CHD6: variants seen among roughly 807,000 people sequenced by gnomAD.
The protein encoded by CHD6 is ATP-dependent chromatin remodeler CHD6.
A neutral mutation model predicts 276.9 loss-of-function variants in CHD6; 50 were observed. The observed-to-expected ratio is 0.18, with a 90% CI of 0.14 to 0.23. The LOEUF (loss-of-function observed/expected upper bound fraction) is 0.23, where lower values mean the gene tolerates loss of function less well. CHD6 is among the 10% of genes least tolerant of loss of function. The pLI is 1.00. For synonymous variants in CHD6, 1,173 were observed against 1,229.3 expected (o/e 0.95, Z 0.96); for missense variants, 2,564 against 3,365.8 (o/e 0.76, Z 5.89).
At position 41,421,031 on chromosome 20, in the gene CHD6, T is replaced by TTCC. The variant is rs1440442867; in HGVS notation, c.5601_5603dup (p.Glu1872dup). 1.2e-6 allele frequency: 2 copies of TTCC among 1,613,940 alleles called. No individual in the cohort carries two copies. Among genetic ancestry groups the TTCC allele is most frequent in the East Asian group, 2.2e-5 (1 of 44,896 alleles). On this transcript the variant is annotated inframe_insertion, in exon 31 of 37. Transcript: ENST00000373233. ...TTTCCTCCTCGTTTTCCTCCTCTTC[T>TTCC]TCCTCCTCATCACTGTGGTTCTGAC...
At chr20:41,582,609 C>A (rs2045552652) in intron 1 of CHD6, among the ~76,000 whole-genome samples, 1 of 152,032 alleles carries the variant, frequency 6.6e-6, no homozygotes. Flanking sequence ...TATGAAAAAG[C>A]AAAAGCAGGG....
chr20:41,499,479 C>T (rs1002576095), intron 5 of CHD6, 122 bp from the exon 6 acceptor site: 7 of 737,446 alleles, frequency 9.5e-6, no homozygotes, highest in Non-Finnish European at 1.5e-5. Flanking sequence ...AGTACCAAGG[C>T]CTCCCATCAG....
intron 1 of CHD6, among the ~76,000 whole-genome samples, chr20:41,590,116 G>T (rs1017834305): frequency 6.6e-6 from 1 of 152,136 alleles, no homozygotes; most frequent in Non-Finnish European, 1.5e-5. Context: ...AATGGGGAAA[G>T]GATTCCCTAT....
At chr20:41,561,174 TAA>T (rs2045297670) in intron 1 of CHD6, among the ~76,000 whole-genome samples, 2 of 152,276 alleles carry the variant, frequency 1.3e-5, no homozygotes, top group Admixed American at 1.3e-4. Flanking sequence ...TGTGTTCCAA[TAA>T]AACTTTTTTT....
chr20:41,569,380 C>T (rs531702214), intron 1 of CHD6, among the ~76,000 whole-genome samples: 44 of 152,318 alleles, frequency 2.9e-4, no homozygotes, highest in Admixed American at 1.8e-3. Flanking sequence ...TGGTCACCTA[C>T]TTTAAACTCA....
In CHD6 at chr20:41,514,886, C is replaced by T; in HGVS notation, c.621G>A (p.Val207=). 6.2e-7 allele frequency: 1 copy of T among 1,614,082 alleles called. No homozygotes were observed. Among genetic ancestry groups the T allele is most frequent in the East Asian group, 2.2e-5 (1 of 44,852 alleles). Residue 207 remains valine (V), a synonymous_variant, in exon 4 of 37, where the codon GTG becomes GTA. Coordinates refer to ENST00000373233, the MANE Select transcript of CHD6 (RefSeq NM_032221.5). ...GGCCCTGATCCAGCTCTAAACTCTC[C>T]ACTGTAGTTTCACTTTTCCTTTTTC... ...KKGKRKSETT[V]ESLELDQGLT...
At position 41,440,146 on chromosome 20, in the gene CHD6, A is replaced by G; in HGVS notation, c.3878-17T>C. 3 of 1,609,484 alleles carry G rather than the reference A, an allele frequency of 1.9e-6. No homozygotes were observed. The highest frequency in any genetic ancestry group is 1.7e-6 in the Non-Finnish European group (2 of 1,176,240). On this transcript the variant is annotated splice_polypyrimidine_tract_variant and intron_variant, in intron 25 of 36. Transcript: ENST00000373233. The stretch of plus-strand genomic sequence containing the variant: ...TTTCATAACCTGATCAAGAGTGGTG[A>G]GAAATGCCAGAAGTCATGTTAGAAC...
intron 5 of CHD6, among the ~76,000 whole-genome samples, chr20:41,512,481 C>T (rs557172399): frequency 2.6e-5 from 4 of 151,522 alleles, no homozygotes; most frequent in South Asian, 2.1e-4. Flanking sequence ...AAACCAGTCA[C>T]GTAAAGCATC....
intron 16 of CHD6, chr20:41,482,577 T>G (rs1290934430): frequency 2.0e-6 from 1 of 507,804 alleles, no homozygotes; most frequent in South Asian, 1.5e-5. Flanking sequence ...GCTACCAGTT[T>G]CTATGATCTT....
intron 5 of CHD6, among the ~76,000 whole-genome samples, chr20:41,502,943 T>C (rs2043872432): frequency 6.6e-6 from 1 of 152,046 alleles, no homozygotes; most frequent in Non-Finnish European, 1.5e-5. Context: ...GAGGTGGAGG[T>C]TGCAGTGAGC....
At chr20:41,562,172 CCTT>C (rs1415698682) in intron 1 of CHD6, among the ~76,000 whole-genome samples, 1 of 151,538 alleles carries the variant, frequency 6.6e-6, no homozygotes, top group East Asian at 1.9e-4. Context: ...CTCTTTCAAG[CCTT>C]CTTTTTTCTT....
Position 41,447,863 on chromosome 20 carries a change from TAA to T in CHD6, c.3773+17_3773+18del, listed in dbSNP as rs1229003208. 6.4e-7 allele frequency: 1 copy of T among 1,560,658 alleles called. No individual in the cohort carries two copies. Among genetic ancestry groups the T allele is most frequent in the African/African-American group, 1.4e-5 (1 of 73,426 alleles). On this transcript the variant is annotated intron_variant, in intron 24 of 36. Transcript: ENST00000373233. The stretch of plus-strand genomic sequence containing the variant: ...TGTCAATTCTTTAACGTTGATATGT[TAA>T]GTTTCATTTGCTTTACCTGGCAGGA...
intron 1 of CHD6, among the ~76,000 whole-genome samples, chr20:41,601,369 C>CTA (rs1384691872): frequency 6.6e-6 from 1 of 152,190 alleles, no homozygotes; most frequent in African/African-American, 2.4e-5. Flanking sequence ...ATGCCCAACT[C>CTA]TAGAGTCCCA....
chr20:41,598,633 C>A (rs1419683627), intron 1 of CHD6, among the ~76,000 whole-genome samples: 3 of 152,150 alleles, frequency 2.0e-5, no homozygotes, highest in African/African-American at 7.2e-5. Flanking sequence ...AGTTAAAAGC[C>A]CTGCGGGTCA....
intron 17 of CHD6, among the ~76,000 whole-genome samples, chr20:41,465,885 T>C (rs1417329831): frequency 6.6e-6 from 1 of 152,246 alleles, no homozygotes; most frequent in Non-Finnish European, 1.5e-5. Context: ...CCTTCCATCC[T>C]GTTCTCTAAA....
At chr20:41,457,164 G>T in intron 18 of CHD6, 100 bp downstream of exon 18, 1 of 1,363,442 alleles carries the variant, frequency 7.3e-7, no homozygotes, top group Non-Finnish European at 1.0e-6. Context: ...CTGGCTCAAT[G>T]CAGCGAAAGT....
intron 2 of CHD6, among the ~76,000 whole-genome samples, chr20:41,539,300 T>C (rs1240780973): frequency 2.0e-5 from 3 of 152,244 alleles, no homozygotes; most frequent in African/African-American, 7.2e-5. Flanking sequence ...TTTGTTATGC[T>C]GTCTTCTCTG....
intron 17 of CHD6, among the ~76,000 whole-genome samples, chr20:41,458,041 T>A (rs2048430109): frequency 6.6e-6 from 1 of 152,226 alleles, no homozygotes; most frequent in Non-Finnish European, 1.5e-5. Context: ...CAACTGCATT[T>A]CTGCTGTGTC....
At chr20:41,438,648 T>C (rs994698689) in intron 26 of CHD6, among the ~76,000 whole-genome samples, 23 of 152,322 alleles carry the variant, frequency 1.5e-4, no homozygotes, top group South Asian at 2.1e-4. Flanking sequence ...CAAATATTCT[T>C]GTCCTTGATG....
Sources: gnomAD v4.1 joint callset for allele counts (sites outside exome capture counted in the v4.1 genomes callset) on GRCh38, gnomAD v4.1.1 for gene constraint, MANE v1.5 for transcripts, NCBI Gene and HGNC (gene_info 2026-07-23, HGNC 2026-07-21) for gene names.